Variants in CYB5R4 observed in about 807,000 individuals in gnomAD.
The protein encoded by CYB5R4 is cytochrome b5 reductase 4.
Under a neutral mutation model 70.2 loss-of-function variants are expected in CYB5R4, and 55 were observed. That is an observed-to-expected ratio of 0.78 (90% CI 0.63 to 0.98). The LOEUF (loss-of-function observed/expected upper bound fraction) is 0.98. Among genes scored for constraint, CYB5R4 ranks in the 50% least tolerant of loss-of-function variants. The pLI is 0.00. For missense variants in CYB5R4, 562 were observed against 612.6 expected, an observed-to-expected ratio of 0.92 and a Z score of 0.87; for synonymous variants, 197 against 199.5, an observed-to-expected ratio of 0.99 and a Z score of 0.11.
chr6:83,860,744 T>G (rs2099455803), intron 1 of CYB5R4, among the ~76,000 whole-genome samples: 1 of 152,256 alleles, frequency 6.6e-6, no homozygotes, highest in Non-Finnish European at 1.5e-5. Context: ...GACCTGGCGT[T>G]CTGATTCTAG....
At chr6:83,946,506 G>C (rs1334239044) in intron 14 of CYB5R4, among the ~76,000 whole-genome samples, 1 of 152,066 alleles carries the variant, frequency 6.6e-6, no homozygotes. Context: ...TTTGAAAACT[G>C]GCACAAGACA....
At chr6:83,868,155 A>G (rs1356740451) in intron 2 of CYB5R4, among the ~76,000 whole-genome samples, 1 of 151,484 alleles carries the variant, frequency 6.6e-6, no homozygotes, top group Non-Finnish European at 1.5e-5. Flanking sequence ...ACAGGGAAGC[A>G]TGGTATCATA....
chr6:83,891,402 T>G (rs2129133701), intron 2 of CYB5R4, among the ~76,000 whole-genome samples: 1 of 152,326 alleles, frequency 6.6e-6, no homozygotes, highest in African/African-American at 2.4e-5. Context: ...TTTTTTTATG[T>G]TTGTATTTCT....
chr6:83,897,845 G>C (rs1170709523), intron 3 of CYB5R4, among the ~76,000 whole-genome samples: 11 of 152,110 alleles, frequency 7.2e-5, no homozygotes, highest in Middle Eastern at 3.4e-3. Context: ...TGTAGGTTGC[G>C]TGTTCACTCT....
chr6:83,871,381 T>C (rs2099457606), intron 2 of CYB5R4, among the ~76,000 whole-genome samples: 1 of 152,226 alleles, frequency 6.6e-6, no homozygotes, highest in Admixed American at 6.5e-5. Context: ...ATTCCTGTCT[T>C]ACTAACATCT....
chr6:83,956,022 G>A (rs2099472373), intron 15 of CYB5R4, among the ~76,000 whole-genome samples: 1 of 152,106 alleles, frequency 6.6e-6, no homozygotes, highest in African/African-American at 2.4e-5. Flanking sequence ...GCTTTAAAAT[G>A]GCACTTTAAA....
intron 4 of CYB5R4, among the ~76,000 whole-genome samples, chr6:83,912,638 G>A (rs529131182): frequency 7.2e-5 from 11 of 152,342 alleles, no homozygotes; most frequent in African/African-American, 2.4e-4. Flanking sequence ...TGGCCATGGA[G>A]CCAACTAAAT....
chr6:83,959,830 G>C lies in CYB5R4; in HGVS notation c.1518G>C (p.Leu506=). The C allele has an allele frequency of 6.3e-7, 1 of 1,599,436 alleles. No homozygotes were observed. The highest frequency in any genetic ancestry group is 8.5e-7 in the Non-Finnish European group (1 of 1,173,372). The change falls in exon 16 of 16, where the codon CTG becomes CTC. Residue 506 remains leucine (L), a synonymous_variant. Coordinates refer to ENST00000369681, the MANE Select transcript of CYB5R4 (RefSeq NM_016230.4). ...VPFTEQGVRL[L]HDLNFSKNEI... is the part of the protein sequence containing the mutation. Reference sequence around the variant, plus strand: ...CTTTTTATTTGTTTTTCAGGTTGCTGCATGATCTCAACTTTTCCAAAAATG... The same window carrying C: ...CTTTTTATTTGTTTTTCAGGTTGCTCCATGATCTCAACTTTTCCAAAAATG...
At chr6:83,959,730 G>T (rs2099473034) in intron 15 of CYB5R4, 94 bp from the exon 16 acceptor site, 3 of 1,104,238 alleles carry the variant, frequency 2.7e-6, no homozygotes, top group Middle Eastern at 2.4e-4. Context: ...TGGGGAAAAT[G>T]AAAAAGTATC....
chr6:83,957,432 C>T (rs2099472590), intron 15 of CYB5R4, among the ~76,000 whole-genome samples: 1 of 151,834 alleles, frequency 6.6e-6, no homozygotes, highest in African/African-American at 2.4e-5. Context: ...ACCAGCCTGG[C>T]CAACATGGTG....
chr6:83,943,085 A>T (rs2099470021), intron 14 of CYB5R4, among the ~76,000 whole-genome samples: 1 of 152,122 alleles, frequency 6.6e-6, no homozygotes, highest in Non-Finnish European at 1.5e-5. Context: ...AGAGCAGTGG[A>T]TCTCCCAGCA....
Position 83,962,255 on chromosome 6 carries a change from C to A in CYB5R4, c.*2377C>A, listed in dbSNP as rs1406041356. 2 of 152,154 alleles carry A rather than the reference C, an allele frequency of 1.3e-5. No individual in the cohort carries two copies. Among genetic ancestry groups the A allele is most frequent in the Non-Finnish European group, 2.9e-5 (2 of 68,030 alleles). 9.4% of individuals were successfully genotyped at this position (152,154 alleles called of 1,614,324 possible). On this transcript the variant is annotated 3_prime_UTR_variant, in exon 16 of 16. Coordinates refer to ENST00000369681, the MANE Select transcript of CYB5R4 (RefSeq NM_016230.4). ...TGATAATTCATCTTCATGCTGCAGT[C>A]CTGATCTCCTAAAATTCATTCTCCA...
At chr6:83,902,401 T>A (rs1385665434) in intron 3 of CYB5R4, among the ~76,000 whole-genome samples, 1 of 152,150 alleles carries the variant, frequency 6.6e-6, no homozygotes, top group Non-Finnish European at 1.5e-5. Context: ...ATACCAATAC[T>A]GTGCTGTTTT....
Position 83,950,551 on chromosome 6 carries a change from T to G in CYB5R4, c.1347-4747T>G, listed in dbSNP as rs138534590. On this transcript the variant is annotated intron_variant, in intron 14 of 15. Transcript: ENST00000369681. ...TGGGACAGGTGGTACAGTTTGACAATGAGGTTGACTTCTAGAAAACATTTT... is the reference window on the plus strand; with the variant it reads ...TGGGACAGGTGGTACAGTTTGACAAGGAGGTTGACTTCTAGAAAACATTTT... Among the ~76,000 whole-genome samples the G allele has an allele frequency of 3.1e-3, 471 of 152,282 alleles. 3 individuals are homozygous for G. The highest frequency in any genetic ancestry group is 0.011 in the African/African-American group (445 of 41,574).
Position 83,966,355 on chromosome 6 carries a change from A to G in CYB5R4, c.*6477A>G, listed in dbSNP as rs2099474068. 6.6e-6 allele frequency: 1 copy of G among 151,802 alleles called. No homozygotes were observed. The highest frequency in any genetic ancestry group is 2.4e-5 in the African/African-American group (1 of 41,170). 9.4% of individuals were successfully genotyped at this position (151,802 alleles called of 1,614,324 possible). A position where few individuals can be genotyped will look rare whatever the true frequency, so the allele number is the denominator to read the frequency against. Reference sequence around the variant, plus strand: ...AAGAACATAAGAGGAAATACATATTATATAAGAAGAAAAGAGTAAAAATAA... The same window carrying G: ...AAGAACATAAGAGGAAATACATATTGTATAAGAAGAAAAGAGTAAAAATAA... On this transcript the variant is annotated 3_prime_UTR_variant, in exon 16 of 16. Coordinates refer to ENST00000369681, the MANE Select transcript of CYB5R4 (RefSeq NM_016230.4).
intron 2 of CYB5R4, among the ~76,000 whole-genome samples, chr6:83,880,537 A>T (rs2099459278): frequency 6.6e-6 from 1 of 152,190 alleles, no homozygotes; most frequent in Non-Finnish European, 1.5e-5. Context: ...TAAGTTGTAA[A>T]TCCGATTTAA....
chr6:83,897,509 C>T (rs2099462103), intron 3 of CYB5R4, among the ~76,000 whole-genome samples: 1 of 152,194 alleles, frequency 6.6e-6, no homozygotes. Context: ...TTTACAGTCT[C>T]ACTAACAGTA....
intron 10 of CYB5R4, chr6:83,929,404 C>A (rs973673740): frequency 6.6e-6 from 1 of 152,104 alleles, no homozygotes; most frequent in African/African-American, 2.4e-5. Flanking sequence ...ATAATGTTTT[C>A]ACATGTCAAA....
In CYB5R4 at chr6:83,873,838, A is replaced by G. The variant is rs532180712; in HGVS notation, c.229+9510A>G. 2.3e-3 allele frequency among the ~76,000 whole-genome samples: 350 copies of G among 152,152 alleles called. 2 individuals carry two copies. Among genetic ancestry groups the G allele is most frequent in the Middle Eastern group, 0.017 (5 of 294 alleles). On this transcript the variant is annotated intron_variant, in intron 2 of 15. Coordinates refer to ENST00000369681, the MANE Select transcript of CYB5R4 (RefSeq NM_016230.4). ...TTAAGGAGGTGTGCTGTGCTGAGTG[A>G]AGATCGCAGAAGACTGAGCTGAGAC...
Sources: allele counts gnomAD v4.1 joint callset (sites outside exome capture counted in the v4.1 genomes callset), GRCh38; gene constraint gnomAD v4.1.1; transcripts MANE v1.5; gene names NCBI Gene and HGNC (gene_info 2026-07-23, HGNC 2026-07-21).